The following GABRA4 variants were observed in gnomAD, a reference collection of about 807,000 sequenced individuals.
GABRA4 encodes the protein gamma-aminobutyric acid receptor subunit alpha-4.
GABRA4 carries 12 observed loss-of-function variants against 49.7 expected under a neutral mutation model. The observed-to-expected ratio is 0.24, with a 90% CI of 0.15 to 0.39. GABRA4 has a LOEUF of 0.39. GABRA4 is among the 10% of genes least tolerant of loss of function. The probability of loss-of-function intolerance (pLI) is 1.00; values close to 1 mark genes in which losing one functional copy is unlikely to be tolerated. For missense variants in GABRA4, 506 were observed against 686.0 expected (o/e 0.74, Z 2.93); for synonymous variants, 288 against 240.2 (o/e 1.20, Z -1.84).
At chr4:46,956,116 C>T (rs1043386462) in intron 8 of GABRA4, among the ~76,000 whole-genome samples, 19 of 152,054 alleles carry the variant, frequency 1.2e-4, no homozygotes, top group African/African-American at 4.3e-4. Flanking sequence ...AGTAATTGTG[C>T]ATTAAACAAT....
rs956683771 is a variant in GABRA4 at position 46,974,259 on chromosome 4, A to C, written c.694T>G (p.Ser232Ala). 33 of 1,610,972 alleles carry C rather than the reference A, an allele frequency of 2.0e-5. No individual in the cohort carries two copies. The highest frequency in any genetic ancestry group is 4.0e-5 in the African/African-American group (3 of 74,680). ...VQYDLIGQTVSSETIKSITGE... is the reference protein window; with the variant it reads ...VQYDLIGQTVASETIKSITGE... ...GTAATTGATTTGATGGTTTCACTTGATACGGTTTGCCCAATCAAATCATAT... is the reference window on the plus strand; with the variant it reads ...GTAATTGATTTGATGGTTTCACTTGCTACGGTTTGCCCAATCAAATCATAT... Residue 232 changes from serine to alanine, a missense_variant, in exon 6 of 9, where the codon TCA becomes GCA. By Grantham distance (99) the Ser-to-Ala change is moderately conservative. This residue lies in a region of GABRA4 where 195 missense variants were observed against 326.0 expected (regional missense o/e 0.60). Transcript: ENST00000264318.
intron 8 of GABRA4, among the ~76,000 whole-genome samples, chr4:46,930,597 G>A (rs964317517): frequency 6.6e-6 from 1 of 151,690 alleles, no homozygotes; most frequent in Non-Finnish European, 1.5e-5. Context: ...GAAGAAAAGA[G>A]AGTAAAATGA....
chr4:46,969,142 T>C (rs2109381821), intron 7 of GABRA4, among the ~76,000 whole-genome samples: 1 of 151,688 alleles, frequency 6.6e-6, no homozygotes, highest in Admixed American at 6.6e-5. Flanking sequence ...GATAGTCCCT[T>C]GGTTAGAAGG....
At chr4:46,951,785 T>G in intron 8 of GABRA4, among the ~76,000 whole-genome samples, 1 of 123,696 alleles carries the variant, frequency 8.1e-6, no homozygotes, top group African/African-American at 2.9e-5. Flanking sequence ...TGTGTATATA[T>G]ATGTGTGTAC....
intron 8 of GABRA4, among the ~76,000 whole-genome samples, chr4:46,946,152 A>G (rs1446939747): frequency 6.6e-6 from 1 of 152,160 alleles, no homozygotes; most frequent in African/African-American, 2.4e-5. Context: ...AACTGGCTAT[A>G]TCATTCTCCT....
At chr4:46,961,708 A>G (rs1286622278) in intron 8 of GABRA4, among the ~76,000 whole-genome samples, 2 of 151,884 alleles carry the variant, frequency 1.3e-5, no homozygotes, top group South Asian at 2.1e-4. Flanking sequence ...GTCTTAGACT[A>G]CCATATGTGG....
chr4:46,958,002 G>C (rs1722426567), intron 8 of GABRA4, among the ~76,000 whole-genome samples: 3 of 151,760 alleles, frequency 2.0e-5, no homozygotes, highest in Admixed American at 2.0e-4. Flanking sequence ...ATTATCTTCT[G>C]TATTCATATA....
At chr4:46,993,210 GC>G (rs1723840753) in intron 1 of GABRA4, 128 bp downstream of exon 1, 2 of 857,556 alleles carry the variant, frequency 2.3e-6, no homozygotes, top group African/African-American at 1.7e-5. Flanking sequence ...CCTGGCTTCG[GC>G]CCCTGCTCTT....
In GABRA4 at chr4:46,925,577, A is replaced by C. The variant is rs1721192397; in HGVS notation, c.*2648T>G. 1 of 151,692 alleles carries C rather than the reference A, an allele frequency of 6.6e-6. No individual in the cohort carries two copies. The highest frequency in any genetic ancestry group is 1.5e-5 in the Non-Finnish European group (1 of 67,786). 9.4% of individuals were successfully genotyped at this position (151,692 alleles called of 1,614,324 possible). A position where few individuals can be genotyped will look rare whatever the true frequency, so the allele number is the denominator to read the frequency against. On this transcript the variant is annotated 3_prime_UTR_variant, in exon 9 of 9. Transcript: ENST00000264318. The stretch of plus-strand genomic sequence containing the variant: ...CTAATCATTCTTCTGAGATTTTCTA[A>C]GAGGGAAAAGTGACTGGCTCTTTGC...
At chr4:46,975,279 C>T (rs1723101205) in intron 5 of GABRA4, among the ~76,000 whole-genome samples, 1 of 152,062 alleles carries the variant, frequency 6.6e-6, no homozygotes, top group South Asian at 2.1e-4. Flanking sequence ...CCTAAGAGCA[C>T]CTTATGAAAC....
chr4:46,977,035 C>T, intron 5 of GABRA4, 26 bp downstream of exon 5: 1 of 1,422,100 alleles, frequency 7.0e-7, no homozygotes, highest in Non-Finnish European at 9.9e-7. Flanking sequence ...ATCATAAATT[C>T]TAGCAAAATT....
At chr4:46,992,076 A>G (rs1376032633) in intron 2 of GABRA4, among the ~76,000 whole-genome samples, 1 of 152,172 alleles carries the variant, frequency 6.6e-6, no homozygotes, top group Non-Finnish European at 1.5e-5. Context: ...GTATCTTAAT[A>G]TTTCTGTGGA....
At chr4:46,966,311 A>G (rs1011866217) in intron 7 of GABRA4, among the ~76,000 whole-genome samples, 2 of 151,778 alleles carry the variant, frequency 1.3e-5, no homozygotes, top group South Asian at 2.1e-4. Context: ...TAATAGAACA[A>G]TGATGTTGAA....
At chr4:46,965,402 T>A (rs1722719118) in intron 7 of GABRA4, among the ~76,000 whole-genome samples, 173 bp from the exon 8 acceptor site, 1 of 151,880 alleles carries the variant, frequency 6.6e-6, no homozygotes, top group South Asian at 2.1e-4. Context: ...TTCAATAAAA[T>A]TAGCACAGGC....
chr4:46,949,529 A>T (rs1028959931), intron 8 of GABRA4, among the ~76,000 whole-genome samples: 1 of 152,096 alleles, frequency 6.6e-6, no homozygotes, highest in Non-Finnish European at 1.5e-5. Flanking sequence ...CAAACTATCC[A>T]TTGTAGATTA....
intron 8 of GABRA4, among the ~76,000 whole-genome samples, chr4:46,954,009 G>T (rs1560470353): frequency 6.6e-6 from 1 of 152,062 alleles, no homozygotes; most frequent in African/African-American, 2.4e-5. Flanking sequence ...ACCTTTCTGT[G>T]CCTCAATTTT....
intron 7 of GABRA4, among the ~76,000 whole-genome samples, chr4:46,966,013 C>G (rs1269672855): frequency 6.7e-6 from 1 of 148,296 alleles, no homozygotes; most frequent in Non-Finnish European, 1.5e-5. Flanking sequence ...TGAAGCACCA[C>G]ATCCAGGAAC....
intron 7 of GABRA4, among the ~76,000 whole-genome samples, chr4:46,966,946 T>C (rs1722783987): frequency 6.6e-6 from 1 of 151,764 alleles, no homozygotes; most frequent in South Asian, 2.1e-4. Flanking sequence ...TTGGGTTTTA[T>C]TTCAGAAAGG....
Position 46,928,442 on chromosome 4 carries a change from A to G in GABRA4, c.1448T>C (p.Leu483Pro), listed in dbSNP as rs1721313975. The G allele has an allele frequency of 6.2e-7, 1 of 1,613,680 alleles. No homozygotes were observed. The part of the protein sequence containing the change: ...ASTRHVFGSR[L>P]QRIKTTVNTI... ...ATTAACTGTGGTCTTTATCCTCTGC[A>G]GTCTTGATCCAAACACGTGACGAGT... The change falls in exon 9 of 9, where the codon CTG becomes CCG. Residue 483 changes from leucine to proline, a missense_variant. Around this residue, in one of 5 missense-constraint regions of GABRA4, gnomAD observed 243 missense variants for 210.8 expected, o/e 1.15. Coordinates refer to ENST00000264318, the MANE Select transcript of GABRA4 (RefSeq NM_000809.4).
Sources: gnomAD v4.1 joint callset for allele counts (sites outside exome capture counted in the v4.1 genomes callset) on GRCh38, gnomAD v4.1.1 for gene constraint, gnomAD v4.1.1 regional missense constraint, MANE v1.5 for transcripts, NCBI Gene and HGNC (gene_info 2026-07-23, HGNC 2026-07-21) for gene names.